NBEA: variants seen among roughly 807,000 people sequenced by gnomAD.
NBEA encodes the protein lysosomal-trafficking regulator 2.
In NBEA, 44 loss-of-function variants were observed where a neutral mutation model predicts 343.4. That is an observed-to-expected ratio of 0.13 (90% CI 0.10 to 0.16). The LOEUF is 0.16. NBEA is among the 10% of genes least tolerant of loss of function. NBEA has a pLI of 1.00. For synonymous variants in NBEA, 1,175 were observed against 1,238.7 expected (o/e 0.95, Z 1.08); for missense variants, 2,555 against 3,631.3 (o/e 0.70, Z 7.62).
chr13:35,139,753 T>TTTTTG (rs2067976948), intron 17 of NBEA, among the ~76,000 whole-genome samples: 1 of 143,522 alleles, frequency 7.0e-6, no homozygotes, highest in Non-Finnish European at 1.5e-5. Flanking sequence ...CGTTTTTTTT[T>TTTTTG]TTTTTTTTTT....
chr13:35,413,637 C>G (rs116385582), intron 38 of NBEA, among the ~76,000 whole-genome samples: 1 of 151,960 alleles, frequency 6.6e-6, no homozygotes, highest in African/African-American at 2.4e-5. Flanking sequence ...AAAATAACAC[C>G]AAGTTCCAGC....
chr13:35,454,040 C>A (rs2152947350), intron 40 of NBEA, among the ~76,000 whole-genome samples: 2 of 152,218 alleles, frequency 1.3e-5, no homozygotes, highest in Middle Eastern at 6.8e-3. Flanking sequence ...CCATAATATA[C>A]CTGGTCCTAA....
At chr13:35,389,696 T>C (rs1453582227) in intron 38 of NBEA, among the ~76,000 whole-genome samples, 2 of 152,118 alleles carry the variant, frequency 1.3e-5, no homozygotes, top group African/African-American at 4.8e-5. Context: ...TTGCAAGCAT[T>C]TATTATAATT....
At chr13:35,098,185 A>C in intron 10 of NBEA, 112 bp from the exon 11 acceptor site, 1 of 674,328 alleles carries the variant, frequency 1.5e-6, no homozygotes, top group Non-Finnish European at 2.5e-6. Flanking sequence ...TCAGTAAAAT[A>C]GAGATGAGAT....
At chr13:34,962,672 TA>T (rs1397685181) in intron 1 of NBEA, among the ~76,000 whole-genome samples, 1 of 152,082 alleles carries the variant, frequency 6.6e-6, no homozygotes, top group Non-Finnish European at 1.5e-5. Flanking sequence ...CTTAATGAAA[TA>T]AACAACTGCT....
intron 1 of NBEA, among the ~76,000 whole-genome samples, chr13:35,013,205 C>G (rs562006987): frequency 6.6e-6 from 1 of 152,194 alleles, no homozygotes; most frequent in Admixed American, 6.5e-5. Flanking sequence ...GTCAACAAGA[C>G]CAATGTGGAA....
intron 45 of NBEA, among the ~76,000 whole-genome samples, chr13:35,572,739 TG>T (rs2080499672): frequency 6.6e-6 from 1 of 152,010 alleles, no homozygotes; most frequent in South Asian, 2.1e-4. Flanking sequence ...TTGTTGTTGT[TG>T]TTGTTGTTTT....
At chr13:35,396,515 G>A (rs143707736) in intron 38 of NBEA, among the ~76,000 whole-genome samples, 21 of 152,116 alleles carry the variant, frequency 1.4e-4, no homozygotes, top group Non-Finnish European at 2.1e-4. Context: ...AGTTAATAGT[G>A]TATCACTTTA....
chr13:35,163,814 T>C (rs1236855217), intron 23 of NBEA, among the ~76,000 whole-genome samples: 1 of 152,090 alleles, frequency 6.6e-6, no homozygotes, highest in Non-Finnish European at 1.5e-5. Flanking sequence ...TCTTTAGCAG[T>C]ATACATTTCA....
chr13:35,380,641 G>A (rs192666313), intron 38 of NBEA, among the ~76,000 whole-genome samples: 2 of 152,044 alleles, frequency 1.3e-5, no homozygotes, highest in East Asian at 3.9e-4. Context: ...TAATAACCTT[G>A]CCAAATTTGC....
At chr13:35,475,382 T>C (rs757982341) in intron 41 of NBEA, 1 of 1,613,848 alleles carries the variant, frequency 6.2e-7, no homozygotes, top group Non-Finnish European at 8.5e-7. Context: ...GTTTTGAGGA[T>C]GGAGAGGCAC....
intron 28 of NBEA, chr13:35,179,678 C>A: frequency 1.7e-6 from 1 of 599,406 alleles, no homozygotes; most frequent in Non-Finnish European, 2.1e-6. Context: ...TTCATTCATT[C>A]CACACATATT....
intron 48 of NBEA, among the ~76,000 whole-genome samples, chr13:35,611,097 C>G (rs2082500703): frequency 6.6e-6 from 1 of 150,628 alleles, no homozygotes; most frequent in South Asian, 2.1e-4. Flanking sequence ...TGCACAATAG[C>G]TGAAATTCAC....
intron 40 of NBEA, among the ~76,000 whole-genome samples, chr13:35,452,840 G>C (rs1180903780): frequency 6.6e-6 from 1 of 152,026 alleles, no homozygotes; most frequent in East Asian, 1.9e-4. Context: ...AACCTTTTTT[G>C]GGTTTTAAGC....
chr13:35,550,637 A>G (rs1241433881), intron 42 of NBEA, 43 bp downstream of exon 42: 1 of 1,226,106 alleles, frequency 8.2e-7, no homozygotes, highest in African/African-American at 1.5e-5. Flanking sequence ...GCTCATATTT[A>G]CATATTATTC....
intron 34 of NBEA, among the ~76,000 whole-genome samples, chr13:35,278,627 G>T (rs2152809561): frequency 6.6e-6 from 1 of 152,222 alleles, no homozygotes; most frequent in African/African-American, 2.4e-5. Context: ...AAATAACTAA[G>T]AACCAATACT....
chr13:35,445,959 C>T (rs2046008863), intron 39 of NBEA, among the ~76,000 whole-genome samples: 1 of 151,222 alleles, frequency 6.6e-6, no homozygotes. Context: ...AATGCTATCC[C>T]TCCCCCCTCT....
At chr13:35,245,517 A>G (rs1271020818) in intron 34 of NBEA, among the ~76,000 whole-genome samples, 1 of 152,132 alleles carries the variant, frequency 6.6e-6, no homozygotes, top group Non-Finnish European at 1.5e-5. Flanking sequence ...TTGTCTGAAA[A>G]AGAGTGTATC....
chr13:35,037,525 A>G (rs1158592532), intron 1 of NBEA, among the ~76,000 whole-genome samples: 2 of 152,082 alleles, frequency 1.3e-5, no homozygotes, highest in African/African-American at 4.8e-5. Flanking sequence ...GCCTGAGCTT[A>G]TTTATAGCCA....
Sources: allele counts gnomAD v4.1 joint callset (sites outside exome capture counted in the v4.1 genomes callset), GRCh38; gene constraint gnomAD v4.1.1; transcripts MANE v1.5; gene names NCBI Gene and HGNC (gene_info 2026-07-23, HGNC 2026-07-21).